WDPCP: variants seen among roughly 807,000 people sequenced by gnomAD.
The protein encoded by WDPCP is WD repeat-containing and planar cell polarity effector protein fritz homolog.
Under a neutral mutation model 93.1 loss-of-function variants are expected in WDPCP, and 71 were observed. That is an observed-to-expected ratio of 0.76 (90% CI 0.63 to 0.93). The LOEUF (loss-of-function observed/expected upper bound fraction) is 0.93. Ranked by LOEUF, WDPCP falls within the 40% of genes least tolerant of loss-of-function variation. WDPCP has a pLI of 0.00. For missense variants in WDPCP, 844 were observed against 887.4 expected (o/e 0.95, Z 0.62); for synonymous variants, 315 against 315.0 (o/e 1.00, Z 0.00).
chr2:63,132,855 G>T (rs1223384222), intron 17 of WDPCP, among the ~76,000 whole-genome samples: 1 of 151,948 alleles, frequency 6.6e-6, no homozygotes, highest in African/African-American at 2.4e-5. Flanking sequence ...TTTTTTCAGG[G>T]ATAGTTTCTG....
chr2:63,469,067 A>G (rs1467629047), intron 6 of WDPCP, among the ~76,000 whole-genome samples: 1 of 152,166 alleles, frequency 6.6e-6, no homozygotes, highest in Non-Finnish European at 1.5e-5. Context: ...AAAAAAAGAC[A>G]TACATGCAGC....
At chr2:63,503,591 T>C (rs1403582924) in intron 1 of WDPCP, among the ~76,000 whole-genome samples, 6 of 152,162 alleles carry the variant, frequency 3.9e-5, no homozygotes, top group African/African-American at 1.4e-4. Context: ...TCATTCTTTT[T>C]AGGATGTACC....
chr2:63,597,895 A>G (rs1709348625), intron 3 of WDPCP: 1 of 166,582 alleles, frequency 6.0e-6, no homozygotes, highest in South Asian at 2.0e-4. Flanking sequence ...TTAGACATTT[A>G]AATTTGTGTG....
intron 13 of WDPCP, among the ~76,000 whole-genome samples, chr2:63,308,746 G>T (rs1685946630): frequency 6.6e-6 from 1 of 152,128 alleles, no homozygotes; most frequent in South Asian, 2.1e-4. Context: ...CCTGTCAGGG[G>T]GTCGGGGGCT....
intron 15 of WDPCP, among the ~76,000 whole-genome samples, chr2:63,165,342 G>A (rs182432102): frequency 1.1e-3 from 167 of 152,152 alleles, no homozygotes; most frequent in African/African-American, 3.9e-3. Context: ...TATGGTATAT[G>A]ATATTAATGG....
intron 2 of WDPCP, among the ~76,000 whole-genome samples, chr2:63,781,734 A>G (rs962076359): frequency 6.6e-6 from 1 of 152,166 alleles, no homozygotes; most frequent in Non-Finnish European, 1.5e-5. Flanking sequence ...TGGGGGAACT[A>G]GGGAAGCTTC....
chr2:63,414,570 T>A (rs1695272854), intron 9 of WDPCP, among the ~76,000 whole-genome samples: 1 of 152,060 alleles, frequency 6.6e-6, no homozygotes, highest in South Asian at 2.1e-4. Flanking sequence ...ATTAACAGTA[T>A]TTGCAGTGAC....
At chr2:63,379,084 T>C (rs2421887) in intron 11 of WDPCP, among the ~76,000 whole-genome samples, 121,490 of 152,042 alleles carry the variant, frequency 0.8, 49,369 homozygotes, top group East Asian at 0.96. Context: ...CTAAGACCTC[T>C]GGGAGAGGAA....
chr2:63,618,184 G>T (rs185030528), intron 3 of WDPCP, among the ~76,000 whole-genome samples: 1 of 152,184 alleles, frequency 6.6e-6, no homozygotes, highest in South Asian at 2.1e-4. Context: ...AAATATCAAC[G>T]CCCTGTTGAG....
At chr2:63,553,266 C>A (rs139823535) in intron 1 of WDPCP, among the ~76,000 whole-genome samples, 1 of 152,078 alleles carries the variant, frequency 6.6e-6, no homozygotes, top group Non-Finnish European at 1.5e-5. Context: ...TATGATACAA[C>A]ATTTTCTTTT....
chr2:63,705,135 G>A (rs113768093), intron 2 of WDPCP, among the ~76,000 whole-genome samples: 36 of 152,116 alleles, frequency 2.4e-4, no homozygotes, highest in Admixed American at 3.3e-4. Flanking sequence ...CTGTGGGATC[G>A]GTGGTGATAT....
At chr2:63,782,962 A>G (rs1270872420) in intron 2 of WDPCP, among the ~76,000 whole-genome samples, 3 of 152,100 alleles carry the variant, frequency 2.0e-5, no homozygotes. Flanking sequence ...AGAAGGAGCA[A>G]AGGAAATGCT....
intron 2 of WDPCP, among the ~76,000 whole-genome samples, chr2:63,705,703 T>C (rs1337200414): frequency 6.6e-6 from 1 of 150,486 alleles, no homozygotes; most frequent in African/African-American, 2.4e-5. Flanking sequence ...TGCTGAGGAG[T>C]GCTTTACTTC....
chr2:63,149,780 A>AGTTCC (rs1671769701), intron 17 of WDPCP, among the ~76,000 whole-genome samples: 1 of 152,164 alleles, frequency 6.6e-6, no homozygotes, highest in African/African-American at 2.4e-5. Context: ...AAAGAAGTAA[A>AGTTCC]ACTAAACAAG....
chr2:63,765,391 C>A (rs925683829), intron 2 of WDPCP, among the ~76,000 whole-genome samples: 1 of 152,176 alleles, frequency 6.6e-6, no homozygotes, highest in African/African-American at 2.4e-5. Flanking sequence ...AGAAAAGCAG[C>A]AGAACAGTTT....
intron 2 of WDPCP, among the ~76,000 whole-genome samples, chr2:63,678,489 A>G (rs1216610491): frequency 1.3e-5 from 2 of 152,212 alleles, no homozygotes; most frequent in Non-Finnish European, 2.9e-5. Context: ...GGGGCAGGGA[A>G]TTAATTTGAA....
In WDPCP at chr2:63,135,851, C is replaced by A. The variant is rs1057507206; in HGVS notation, c.2191-13795G>T. 5.3e-4 allele frequency among the ~76,000 whole-genome samples: 81 copies of A among 152,140 alleles called. 1 individual carries two copies. Among genetic ancestry groups the A allele is most frequent in the Non-Finnish European group, 8.7e-4 (59 of 68,024 alleles). ...GGCTCAGGCAATGCTCCTGCCTCAG[C>A]CTTCTGAGTAGCTGGGACTACAGGC... On this transcript the variant is annotated intron_variant, in intron 17 of 17. Coordinates refer to ENST00000272321, the MANE Select transcript of WDPCP (RefSeq NM_015910.7).
chr2:63,291,408 C>T (rs903102838), intron 13 of WDPCP, among the ~76,000 whole-genome samples: 11 of 152,186 alleles, frequency 7.2e-5, no homozygotes, highest in Non-Finnish European at 4.4e-5. Flanking sequence ...GCTACACAGA[C>T]TTATTTTTCA....
chr2:63,335,742 G>C (rs1688307708), intron 12 of WDPCP, among the ~76,000 whole-genome samples: 1 of 152,142 alleles, frequency 6.6e-6, no homozygotes, highest in Admixed American at 6.6e-5. Flanking sequence ...TCTTAAATAG[G>C]AACTGGGTAA....
Sources: allele counts gnomAD v4.1 joint callset (sites outside exome capture counted in the v4.1 genomes callset), GRCh38; gene constraint gnomAD v4.1.1; transcripts MANE v1.5; gene names NCBI Gene and HGNC (gene_info 2026-07-23, HGNC 2026-07-21).